The following IRAG1 variants were observed in gnomAD, a reference collection of about 807,000 sequenced individuals.
The protein encoded by IRAG1 is IP3R-associated cGMP kinase substrate.
A neutral mutation model predicts 106.2 loss-of-function variants in IRAG1; 62 were observed. That is an observed-to-expected ratio of 0.58 (90% CI 0.48 to 0.72). The LOEUF (loss-of-function observed/expected upper bound fraction) is 0.72, where lower values mean the gene tolerates loss of function less well. IRAG1 is among the 30% of genes least tolerant of loss of function. The pLI, the probability that IRAG1 is intolerant of heterozygous loss-of-function variation, is 0.00. For synonymous variants in IRAG1, 462 were observed against 443.9 expected, an observed-to-expected ratio of 1.04 and a Z score of -0.51; for missense variants, 1,064 against 1,140.7, an observed-to-expected ratio of 0.93 and a Z score of 0.97.
In IRAG1 at chr11:10,671,627, G is replaced by T. The variant is rs574339375; in HGVS notation, c.68-19445C>A. On this transcript the variant is annotated intron_variant, in intron 1 of 20. Coordinates refer to ENST00000423302, the MANE Select transcript of IRAG1 (RefSeq NM_130385.4). Reference sequence around the variant, plus strand: ...CTCAGGAGGCTGAGGCATGAGAATCGCTTGAACCCAGGAGGTGGAGGTTTC... The same window carrying T: ...CTCAGGAGGCTGAGGCATGAGAATCTCTTGAACCCAGGAGGTGGAGGTTTC... Among the ~76,000 whole-genome samples the T allele has an allele frequency of 8.5e-5, 13 of 152,158 alleles. 1 individual carries two copies. In the South Asian group the frequency reaches 2.7e-3, roughly 32 times the overall value.
At chr11:10,677,780 C>T (rs2135161074) in intron 1 of IRAG1, among the ~76,000 whole-genome samples, 1 of 152,350 alleles carries the variant, frequency 6.6e-6, no homozygotes, top group East Asian at 1.9e-4. Context: ...CAGTCACTCC[C>T]TGTTCCTCCT....
intron 15 of IRAG1, 175 bp from the exon 16 acceptor site, chr11:10,594,370 C>G: frequency 1.7e-6 from 1 of 584,878 alleles, no homozygotes; most frequent in Non-Finnish European, 3.0e-6. Flanking sequence ...GATGGGGCTG[C>G]AGAGTGGGGG....
intron 1 of IRAG1, among the ~76,000 whole-genome samples, chr11:10,684,285 T>G (rs2135233429): frequency 1.3e-5 from 2 of 152,110 alleles, no homozygotes; most frequent in East Asian, 3.8e-4. Flanking sequence ...CCTTAAAAAA[T>G]GATGAGTTCA....
At chr11:10,576,898 A>T (rs1850871481) in intron 20 of IRAG1, among the ~76,000 whole-genome samples, 1 of 152,190 alleles carries the variant, frequency 6.6e-6, no homozygotes, top group Non-Finnish European at 1.5e-5. Context: ...ACATGCCCTC[A>T]TCTATTCACG....
intron 1 of IRAG1, among the ~76,000 whole-genome samples, chr11:10,679,105 G>C (rs1009991753): frequency 3.7e-4 from 57 of 152,178 alleles, no homozygotes; most frequent in African/African-American, 1.4e-3. Context: ...TGTCTATACT[G>C]CTCCTTGGAA....
At chr11:10,587,125 C>T (rs1014650985) in intron 18 of IRAG1, among the ~76,000 whole-genome samples, 2 of 152,166 alleles carry the variant, frequency 1.3e-5, no homozygotes, top group Non-Finnish European at 2.9e-5. Context: ...TGCTTTCTTT[C>T]TGGGATGATT....
At chr11:10,648,724 C>A (rs2134854699) in intron 2 of IRAG1, among the ~76,000 whole-genome samples, 1 of 152,216 alleles carries the variant, frequency 6.6e-6, no homozygotes, top group Admixed American at 6.5e-5. Context: ...TGTTGGGGGG[C>A]TTTTTGTGGT....
chr11:10,627,584 C>A, intron 8 of IRAG1, 132 bp downstream of exon 8: 1 of 943,534 alleles, frequency 1.1e-6, no homozygotes, highest in South Asian at 1.5e-5. Flanking sequence ...CTGCTGTTTC[C>A]CCAGCCCTGA....
At chr11:10,655,059 G>A (rs747707880) in intron 1 of IRAG1, among the ~76,000 whole-genome samples, 1 of 152,140 alleles carries the variant, frequency 6.6e-6, no homozygotes, top group Non-Finnish European at 1.5e-5. Flanking sequence ...TTTGGTAACA[G>A]GGGTTGAGGG....
rs745823643 is a variant in IRAG1 at position 10,629,727 on chromosome 11, G to T, written c.401-16C>A. On this transcript the variant is annotated splice_polypyrimidine_tract_variant and intron_variant, in intron 4 of 20. Transcript: ENST00000423302. ...CCCGCGGGGTCTGCAGAAGGAGGATGAGCTGGGGTGAGAGCCACTGCATCC... is the reference window on the plus strand; with the variant it reads ...CCCGCGGGGTCTGCAGAAGGAGGATTAGCTGGGGTGAGAGCCACTGCATCC... 2 of 1,609,688 alleles carry T rather than the reference G, an allele frequency of 1.2e-6. No individual in the cohort carries two copies. Among genetic ancestry groups the T allele is most frequent in the South Asian group, 1.1e-5 (1 of 90,424 alleles).
intron 2 of IRAG1, among the ~76,000 whole-genome samples, chr11:10,645,939 T>C (rs1857906407): frequency 6.6e-6 from 1 of 152,228 alleles, no homozygotes; most frequent in South Asian, 2.1e-4. Flanking sequence ...AAGTTCTCCA[T>C]AAAGGTTAGC....
At chr11:10,667,967 C>T (rs1428916978) in intron 1 of IRAG1, among the ~76,000 whole-genome samples, 1 of 152,200 alleles carries the variant, frequency 6.6e-6, no homozygotes, top group Non-Finnish European at 1.5e-5. Flanking sequence ...TCTGAGACTG[C>T]CAAACCTCTC....
At chr11:10,578,075 T>C (rs1208144865) in intron 20 of IRAG1, among the ~76,000 whole-genome samples, 1 of 152,200 alleles carries the variant, frequency 6.6e-6, no homozygotes, top group Admixed American at 6.5e-5. Flanking sequence ...CTAACCCCAC[T>C]CTTAAGTGTG....
At chr11:10,632,524 C>A (rs1036161015) in intron 3 of IRAG1, among the ~76,000 whole-genome samples, 1 of 152,136 alleles carries the variant, frequency 6.6e-6, no homozygotes, top group African/African-American at 2.4e-5. Context: ...CCTAGAACAT[C>A]ATCTTACAAG....
intron 1 of IRAG1, among the ~76,000 whole-genome samples, chr11:10,680,301 A>AGAGAGAGG (rs1303437646): frequency 6.6e-5 from 7 of 106,504 alleles, no homozygotes; most frequent in Admixed American, 2.2e-4. Context: ...AGAGAGAGAG[A>AGAGAGAGG]GAGGGAGGGA....
chr11:10,626,603 G>C lies in IRAG1; in HGVS notation c.751-20C>G. The C allele has an allele frequency of 6.3e-7, 1 of 1,575,436 alleles. No homozygotes were observed. Among genetic ancestry groups the C allele is most frequent in the South Asian group, 1.2e-5 (1 of 84,956 alleles). On this transcript the variant is annotated intron_variant, in intron 8 of 20. Coordinates refer to ENST00000423302, the MANE Select transcript of IRAG1 (RefSeq NM_130385.4). ...GACGTTCTGAAAAAGACAAGGTAGA[G>C]CTGGAACCCTCGGGGGCAGGTTGAG...
intron 8 of IRAG1, 68 bp downstream of exon 8, chr11:10,627,648 G>A (rs528001005): frequency 5.7e-5 from 90 of 1,571,838 alleles, no homozygotes; most frequent in Non-Finnish European, 7.8e-5. Context: ...CCAGGAGCCA[G>A]CCTAGGCTTC....
Position 10,603,124 on chromosome 11 carries a change from C to T in IRAG1, c.1871G>A (p.Arg624His), listed in dbSNP as rs779791411. ...SSRAEVVGAV[R>H]QEKRMSKATE... ...CCGGGGGCTGGAGAGACTCACCTGG[C>T]GGACGGCGCCTACCACCTCAGCTCG... is the stretch of plus-strand genomic sequence containing the variant. The change falls in exon 14 of 21, where the codon CGC becomes CAC. Residue 624 changes from arginine (R) to histidine (H), a missense_variant. Arg to His is a conservative substitution (Grantham distance 29). Coordinates refer to ENST00000423302, the MANE Select transcript of IRAG1 (RefSeq NM_130385.4). 2.4e-5 allele frequency: 38 copies of T among 1,608,482 alleles called. No individual in the cohort carries two copies. The highest frequency in any genetic ancestry group is 8.4e-5 in the Admixed American group (5 of 59,410).
chr11:10,690,481 T>C lies in IRAG1; in HGVS notation c.67+3055A>G, dbSNP rs1031032747. 4.0e-6 allele frequency: 5 copies of C among 1,235,440 alleles called. No homozygotes were observed. In the East Asian group the frequency reaches 2.9e-4, roughly 72 times the overall value. 76.5% of individuals were successfully genotyped at this position (1,235,440 alleles called of 1,614,324 possible). A position where few individuals can be genotyped will look rare whatever the true frequency, so the allele number is the denominator to read the frequency against. On this transcript the variant is annotated intron_variant, in intron 1 of 20. Transcript: ENST00000423302. ...GCTTGTCCAGGGTCATGGGCGTGAG[T>C]TACCTCTGCTAAGACTCTGAATTTG...
Sources: allele counts gnomAD v4.1 joint callset (sites outside exome capture counted in the v4.1 genomes callset), GRCh38; gene constraint gnomAD v4.1.1; transcripts MANE v1.5; gene names NCBI Gene and HGNC (gene_info 2026-07-23, HGNC 2026-07-21).